ARHGAP10: variants seen among roughly 807,000 people sequenced by gnomAD.
ARHGAP10 encodes Rho GTPase activating protein 10.
ARHGAP10 carries 87 observed loss-of-function variants against 108.6 expected under a neutral mutation model. The ratio of observed to expected loss-of-function variants is 0.80; its 90% CI spans 0.67 to 0.96. The LOEUF (loss-of-function observed/expected upper bound fraction) is 0.96. Ranked by LOEUF, ARHGAP10 falls within the 40% of genes least tolerant of loss-of-function variation. The probability of loss-of-function intolerance (pLI) is 0.00; values close to 1 mark genes in which losing one functional copy is unlikely to be tolerated. For missense variants in ARHGAP10, 939 were observed against 954.5 expected (o/e 0.98, Z 0.21); for synonymous variants, 347 against 341.1 (o/e 1.02, Z -0.19).
intron 18 of ARHGAP10, among the ~76,000 whole-genome samples, chr4:148,020,327 T>C (rs1290649256): frequency 6.6e-6 from 1 of 152,160 alleles, no homozygotes; most frequent in African/African-American, 2.4e-5. Flanking sequence ...TGGGGCTACA[T>C]GTACAGGATT....
chr4:147,991,232 C>T (rs1357714078), intron 18 of ARHGAP10, among the ~76,000 whole-genome samples: 1 of 151,826 alleles, frequency 6.6e-6, no homozygotes, highest in African/African-American at 2.4e-5. Flanking sequence ...GTTAGCGGTC[C>T]TTAGGGCCAC....
intron 10 of ARHGAP10, among the ~76,000 whole-genome samples, chr4:147,883,720 G>T (rs1047114222): frequency 2.0e-5 from 3 of 151,808 alleles, no homozygotes; most frequent in Non-Finnish European, 2.9e-5. Context: ...TTTGAGACGA[G>T]TCTCACTTTT....
chr4:147,838,104 T>C (rs375453786), intron 3 of ARHGAP10, among the ~76,000 whole-genome samples: 39 of 152,296 alleles, frequency 2.6e-4, no homozygotes, highest in African/African-American at 9.1e-4. Context: ...ATAAAAAATT[T>C]GTCCCAGCTC....
intron 16 of ARHGAP10, among the ~76,000 whole-genome samples, chr4:147,958,188 C>G (rs1217609154): frequency 1.3e-5 from 2 of 152,206 alleles, no homozygotes; most frequent in Non-Finnish European, 2.9e-5. Flanking sequence ...AGGCTATGAT[C>G]TGTGTGTCAG....
intron 3 of ARHGAP10, among the ~76,000 whole-genome samples, chr4:147,835,780 C>T: frequency 6.6e-6 from 1 of 152,186 alleles, no homozygotes; most frequent in East Asian, 1.9e-4. Context: ...AAAATTTTCT[C>T]TTATGTAAAA....
chr4:147,958,191 T>C (rs1738860384), intron 16 of ARHGAP10, among the ~76,000 whole-genome samples: 1 of 152,216 alleles, frequency 6.6e-6, no homozygotes, highest in Admixed American at 6.5e-5. Context: ...CTATGATCTG[T>C]GTGTCAGCCT....
At chr4:147,778,314 G>A (rs1730389020) in intron 1 of ARHGAP10, among the ~76,000 whole-genome samples, 1 of 152,046 alleles carries the variant, frequency 6.6e-6, no homozygotes. Context: ...TGTAATTGGG[G>A]GGTTATTCTG....
At chr4:148,001,986 T>G (rs993047254) in intron 18 of ARHGAP10, among the ~76,000 whole-genome samples, 8 of 152,222 alleles carry the variant, frequency 5.3e-5, no homozygotes, top group Admixed American at 5.2e-4. Context: ...ATCCCTGTCT[T>G]GTGCCAGTTT....
intron 16 of ARHGAP10, among the ~76,000 whole-genome samples, chr4:147,964,180 T>C (rs1739115357): frequency 6.6e-6 from 1 of 152,080 alleles, no homozygotes; most frequent in African/African-American, 2.4e-5. Flanking sequence ...CCTACGAGCC[T>C]CCTCTGCGGG....
chr4:147,792,366 T>G (rs1300819935), intron 1 of ARHGAP10, among the ~76,000 whole-genome samples: 1 of 152,244 alleles, frequency 6.6e-6, no homozygotes, highest in African/African-American at 2.4e-5. Flanking sequence ...TAACATGTCC[T>G]CTTCCTTCCC....
At chr4:147,898,857 CAAACACTTTTA>C (rs1736104060) in intron 10 of ARHGAP10, among the ~76,000 whole-genome samples, 1 of 152,030 alleles carries the variant, frequency 6.6e-6, no homozygotes, top group South Asian at 2.1e-4. Context: ...GAGGAACTGC[CAAACACTTTTA>C]AACCACCAGA....
chr4:147,758,199 G>T (rs1226567808), intron 1 of ARHGAP10, among the ~76,000 whole-genome samples: 2 of 151,430 alleles, frequency 1.3e-5, no homozygotes, highest in Admixed American at 1.3e-4. Flanking sequence ...GGACGTGGAG[G>T]TTGTGGTGAG....
intron 18 of ARHGAP10, among the ~76,000 whole-genome samples, chr4:148,021,177 G>T (rs956124691): frequency 6.6e-6 from 1 of 152,168 alleles, no homozygotes; most frequent in Non-Finnish European, 1.5e-5. Context: ...GGACTGAGGT[G>T]CTGGGAAGGA....
chr4:147,915,951 TTA>T (rs1736964220), intron 13 of ARHGAP10, among the ~76,000 whole-genome samples: 1 of 152,020 alleles, frequency 6.6e-6, no homozygotes, highest in Admixed American at 6.6e-5. Flanking sequence ...AAAAATTTTT[TTA>T]AAAAAATTAG....
intron 4 of ARHGAP10, among the ~76,000 whole-genome samples, chr4:147,850,917 T>C (rs1733854680): frequency 6.6e-6 from 1 of 152,124 alleles, no homozygotes; most frequent in South Asian, 2.1e-4. Context: ...CCTGAACAAC[T>C]TAGGGGCCAA....
intron 1 of ARHGAP10, among the ~76,000 whole-genome samples, chr4:147,760,135 G>A (rs1729535463): frequency 6.6e-6 from 1 of 152,126 alleles, no homozygotes; most frequent in African/African-American, 2.4e-5. Flanking sequence ...TCTTGCATCT[G>A]TAACCTTGCT....
intron 3 of ARHGAP10, among the ~76,000 whole-genome samples, chr4:147,829,250 C>A (rs1560779281): frequency 6.6e-6 from 1 of 152,070 alleles, no homozygotes; most frequent in East Asian, 1.9e-4. Flanking sequence ...GACAGGGTTT[C>A]ACCGTGGTAG....
rs79713249 is a variant in ARHGAP10 at position 147,734,203 on chromosome 4, G to C, written c.154+1748G>C. Among the ~76,000 whole-genome samples the C allele has an allele frequency of 6.1e-3, 924 of 152,190 alleles. 9 individuals carry two copies. The highest frequency in any genetic ancestry group is 0.021 in the African/African-American group (858 of 41,510). ...CTGGAGCTAGAGAGGTGTGGAGAGAGGCAGAGGGCAAAGCCAGTTTGGCCA... is the reference window on the plus strand; with the variant it reads ...CTGGAGCTAGAGAGGTGTGGAGAGACGCAGAGGGCAAAGCCAGTTTGGCCA... On this transcript the variant is annotated intron_variant, in intron 1 of 22. Transcript: ENST00000336498.
At chr4:147,868,120 G>A (rs914884013) in intron 7 of ARHGAP10, among the ~76,000 whole-genome samples, 2 of 152,054 alleles carry the variant, frequency 1.3e-5, no homozygotes, top group African/African-American at 4.8e-5. Context: ...AAAATATGTG[G>A]TATGACTATA....
Sources: gnomAD v4.1 joint callset for allele counts (sites outside exome capture counted in the v4.1 genomes callset) on GRCh38, gnomAD v4.1.1 for gene constraint, MANE v1.5 for transcripts, NCBI Gene and HGNC (gene_info 2026-07-23, HGNC 2026-07-21) for gene names.